Variants in PTPRD observed in about 807,000 individuals in gnomAD.
The protein encoded by PTPRD is protein tyrosine phosphatase receptor type D, also known as receptor-type tyrosine-protein phosphatase delta.
A neutral mutation model predicts 214.5 loss-of-function variants in PTPRD; 34 were observed. The observed-to-expected ratio is 0.16, with a 90% confidence interval of 0.12 to 0.21. The LOEUF is 0.21. Among genes scored for constraint, PTPRD ranks in the 10% least tolerant of loss-of-function variants. The pLI, the probability that PTPRD is intolerant of heterozygous loss-of-function variation, is 1.00. For synonymous variants in PTPRD, 1,128 were observed against 845.7 expected (o/e 1.33, Z -5.79); for missense variants, 2,545 against 2,398.7 (o/e 1.06, Z -1.27).
At chr9:10,206,403 T>C (rs1478471248) in intron 3 of PTPRD, among the ~76,000 whole-genome samples, 2 of 152,278 alleles carry the variant, frequency 1.3e-5, no homozygotes, top group African/African-American at 2.4e-5. Flanking sequence ...TCCCTCCCAA[T>C]AGACATACAT....
chr9:8,995,418 A>T (rs1209054452), intron 11 of PTPRD, among the ~76,000 whole-genome samples: 1 of 152,076 alleles, frequency 6.6e-6, no homozygotes, highest in Non-Finnish European at 1.5e-5. Context: ...TATTGATAAC[A>T]TTGAAACTCG....
chr9:10,193,649 A>G (rs2099384315), intron 3 of PTPRD, among the ~76,000 whole-genome samples: 1 of 152,166 alleles, frequency 6.6e-6, no homozygotes, highest in Non-Finnish European at 1.5e-5. Flanking sequence ...CAGGATGCCA[A>G]TAACCTGTTA....
intron 14 of PTPRD, among the ~76,000 whole-genome samples, chr9:8,529,499 A>T (rs1592875715): frequency 6.6e-6 from 1 of 152,308 alleles, no homozygotes; most frequent in Non-Finnish European, 1.5e-5. Context: ...GCTTTCCTCC[A>T]TCCCAAAGAT....
At chr9:9,367,846 T>C (rs2058308827) in intron 9 of PTPRD, among the ~76,000 whole-genome samples, 1 of 151,712 alleles carries the variant, frequency 6.6e-6, no homozygotes, top group Non-Finnish European at 1.5e-5. Flanking sequence ...ACAGTCTTTT[T>C]ATGTATTCTG....
At chr9:8,845,598 A>G (rs1865343) in intron 11 of PTPRD, among the ~76,000 whole-genome samples, 116,476 of 152,242 alleles carry the variant, frequency 0.77, 44,665 homozygotes, top group Middle Eastern at 0.89. Context: ...ATCCTGTCCC[A>G]TGCCACCCAG....
intron 2 of PTPRD, among the ~76,000 whole-genome samples, chr9:10,343,606 G>A (rs1422270544): frequency 1.3e-5 from 2 of 152,058 alleles, no homozygotes; most frequent in East Asian, 1.9e-4. Context: ...GTGAAAAAGT[G>A]TTTCTATTTC....
At chr9:9,526,151 C>A (rs1032333503) in intron 8 of PTPRD, among the ~76,000 whole-genome samples, 2 of 152,122 alleles carry the variant, frequency 1.3e-5, no homozygotes, top group African/African-American at 4.8e-5. Context: ...TTGTAAACTA[C>A]AGTTATGTTG....
At chr9:10,427,560 G>T (rs2098633883) in intron 2 of PTPRD, among the ~76,000 whole-genome samples, 1 of 151,994 alleles carries the variant, frequency 6.6e-6, no homozygotes, top group African/African-American at 2.4e-5. Flanking sequence ...TCCACTGATG[G>T]TTGATAATTG....
intron 2 of PTPRD, among the ~76,000 whole-genome samples, chr9:10,479,373 C>T (rs1292106927): frequency 1.3e-5 from 2 of 152,064 alleles, no homozygotes; most frequent in African/African-American, 4.8e-5. Flanking sequence ...AAGGGAGATG[C>T]TTGTAATACA....
At chr9:10,132,189 A>T (rs1322601616) in intron 3 of PTPRD, among the ~76,000 whole-genome samples, 1 of 152,190 alleles carries the variant, frequency 6.6e-6, no homozygotes, top group African/African-American at 2.4e-5. Flanking sequence ...AGTTAAAAAA[A>T]AACTGTACAC....
chr9:9,015,681 C>T (rs183587813), intron 11 of PTPRD, among the ~76,000 whole-genome samples: 328 of 152,202 alleles, frequency 2.2e-3, no homozygotes, highest in Middle Eastern at 3.4e-3. Flanking sequence ...TGGGTGGGGT[C>T]TGGATTGGGA....
intron 12 of PTPRD, among the ~76,000 whole-genome samples, chr9:8,718,970 G>C (rs1435821209): frequency 6.6e-6 from 1 of 152,110 alleles, no homozygotes; most frequent in Non-Finnish European, 1.5e-5. Context: ...TACACCAGAA[G>C]CATCTATAAT....
intron 10 of PTPRD, among the ~76,000 whole-genome samples, chr9:9,153,041 G>A (rs972202222): frequency 6.6e-6 from 1 of 152,038 alleles, no homozygotes; most frequent in Non-Finnish European, 1.5e-5. Context: ...CTTGACTATT[G>A]GCCATGCTTC....
chr9:9,740,350 C>G (rs1392911241), intron 6 of PTPRD, among the ~76,000 whole-genome samples: 2 of 145,370 alleles, frequency 1.4e-5, no homozygotes, highest in Admixed American at 6.9e-5. Flanking sequence ...CATTTTATCT[C>G]TAAAACTACT....
chr9:10,074,953 G>A (rs958531613), intron 3 of PTPRD, among the ~76,000 whole-genome samples: 9 of 152,070 alleles, frequency 5.9e-5, no homozygotes, highest in Admixed American at 5.3e-4. Context: ...TTAGTCAAAC[G>A]ATTTAGGTGT....
chr9:8,689,120 A>G (rs1363645408), intron 12 of PTPRD, among the ~76,000 whole-genome samples: 1 of 152,202 alleles, frequency 6.6e-6, no homozygotes, highest in Admixed American at 6.5e-5. Flanking sequence ...GCAATCACTA[A>G]AGTGACTCTG....
chr9:9,918,361 A>AAC (rs951269634), intron 5 of PTPRD, among the ~76,000 whole-genome samples: 19 of 150,434 alleles, frequency 1.3e-4, no homozygotes, highest in Non-Finnish European at 1.8e-4. Context: ...TAAAAAAAAA[A>AAC]AAAAAAAAAC....
chr9:10,509,568 T>C (rs1299177224), intron 2 of PTPRD, among the ~76,000 whole-genome samples: 2 of 136,646 alleles, frequency 1.5e-5, no homozygotes, highest in Admixed American at 1.5e-4. Context: ...TATATATATA[T>C]ATATATATAT....
rs113089194 is a variant in PTPRD at position 9,942,895 on chromosome 9, G to GTTTT, written c.-471-4289_-471-4286dup. ...CGTCAGCAAAACATTGCTCTGAGTT[G>GTTTT]TTTTTTTTTTTTTTTAAAGCTTTTG... On this transcript the variant is annotated intron_variant, in intron 4 of 45. Transcript: ENST00000381196. Among the ~76,000 whole-genome samples the GTTTT allele has an allele frequency of 1.4e-3, 168 of 120,142 alleles. 1 individual carries two copies. The highest frequency in any genetic ancestry group is 4.5e-3 in the African/African-American group (141 of 31,626). 78.8% of individuals were successfully genotyped at this position (120,142 alleles called of 152,430 possible). A position where few individuals can be genotyped will look rare whatever the true frequency, so the allele number is the denominator to read the frequency against.
Sources: allele counts gnomAD v4.1 joint callset (sites outside exome capture counted in the v4.1 genomes callset), GRCh38; gene constraint gnomAD v4.1.1; transcripts MANE v1.5; gene names NCBI Gene and HGNC (gene_info 2026-07-23, HGNC 2026-07-21).